The following TASP1 variants were observed in gnomAD, a reference collection of about 807,000 sequenced individuals.
The protein encoded by TASP1 is threonine aspartase 1.
In TASP1, 16 loss-of-function variants were observed where a neutral mutation model predicts 56.6. The ratio of observed to expected loss-of-function variants is 0.28; its 90% CI spans 0.19 to 0.43. The LOEUF (loss-of-function observed/expected upper bound fraction) is 0.43, where lower values mean the gene tolerates loss of function less well. TASP1 is among the 20% of genes least tolerant of loss of function. The pLI, the probability that TASP1 is intolerant of heterozygous loss-of-function variation, is 1.00. For synonymous variants in TASP1, 179 were observed against 184.2 expected (o/e 0.97, Z 0.23); for missense variants, 393 against 511.6 (o/e 0.77, Z 2.24).
the TASP1 span, chr20:13,280,028 A>T: frequency 2.3e-6 from 2 of 863,932 alleles, no homozygotes; most frequent in South Asian, 3.6e-5. Flanking sequence ...AACCTCACAA[A>T]GGCTGTCTTC....
At chr20:13,595,903 C>T (rs569285525) in intron 4 of TASP1, among the ~76,000 whole-genome samples, 1 of 152,242 alleles carries the variant, frequency 6.6e-6, no homozygotes, top group Admixed American at 6.5e-5. Context: ...AAGTCTCCAC[C>T]CCAAATCAAC....
chr20:13,406,936 G>T (rs2041948008), intron 13 of TASP1, among the ~76,000 whole-genome samples: 1 of 152,126 alleles, frequency 6.6e-6, no homozygotes, highest in South Asian at 2.1e-4. Context: ...AAAGTGCTGG[G>T]ATTACAGGCA....
intron 4 of TASP1, chr20:13,616,981 T>C: frequency 4.5e-6 from 2 of 442,898 alleles, no homozygotes; most frequent in Non-Finnish European, 9.0e-6. Context: ...TTGCCTCCCA[T>C]CTGCGTACAG....
chr20:13,392,942 C>T (rs2041347406), intron 13 of TASP1: 7 of 617,774 alleles, frequency 1.1e-5, no homozygotes, highest in Non-Finnish European at 2.1e-5. Context: ...TGGGGCCATG[C>T]TGGTGCTGAG....
chr20:13,470,267 AG>A (rs1317869563), intron 11 of TASP1, among the ~76,000 whole-genome samples: 1 of 152,112 alleles, frequency 6.6e-6, no homozygotes, highest in Admixed American at 6.5e-5. Context: ...AAAGGGGTAG[AG>A]GGGGGCACTC....
the TASP1 span, among the ~76,000 whole-genome samples, chr20:13,363,352 G>A: frequency 8.5e-5 from 13 of 152,050 alleles, no homozygotes; most frequent in Non-Finnish European, 1.5e-4. Context: ...GCTTCCAGTG[G>A]GGTCAATTTA....
At chr20:13,220,939 C>G in the TASP1 span, among the ~76,000 whole-genome samples, 2 of 152,208 alleles carry the variant, frequency 1.3e-5, no homozygotes, top group African/African-American at 4.8e-5. Context: ...TACCCGCGCC[C>G]GTCACAGCGA....
the TASP1 span, among the ~76,000 whole-genome samples, chr20:13,126,153 C>A: frequency 2.6e-5 from 4 of 152,160 alleles, no homozygotes; most frequent in African/African-American, 9.7e-5. Flanking sequence ...TGTTGCATGT[C>A]CTAGTTTGCA....
At chr20:13,203,001 T>G in the TASP1 span, among the ~76,000 whole-genome samples, 3 of 152,224 alleles carry the variant, frequency 2.0e-5, no homozygotes, top group Non-Finnish European at 4.4e-5. Flanking sequence ...TTTAACACAA[T>G]GAATGTTTGT....
the TASP1 span, among the ~76,000 whole-genome samples, chr20:13,277,619 CCTTTT>C: frequency 6.7e-6 from 1 of 149,820 alleles, no homozygotes; most frequent in African/African-American, 2.5e-5. Flanking sequence ...ATGATGTATT[CCTTTT>C]CTTTTCTTCC....
the TASP1 span, among the ~76,000 whole-genome samples, chr20:13,272,427 A>G: frequency 6.6e-6 from 1 of 152,220 alleles, no homozygotes; most frequent in Non-Finnish European, 1.5e-5. Flanking sequence ...GTTCCCTCCA[A>G]TAAATTAGAT....
chr20:13,356,433 T>C, the TASP1 span, among the ~76,000 whole-genome samples: 7 of 152,228 alleles, frequency 4.6e-5, no homozygotes, highest in Non-Finnish European at 7.3e-5. Flanking sequence ...CAGCCCAGCC[T>C]CATAACTTAC....
the TASP1 span, among the ~76,000 whole-genome samples, chr20:13,282,669 C>T: frequency 6.6e-6 from 1 of 152,186 alleles, no homozygotes; most frequent in African/African-American, 2.4e-5. Flanking sequence ...TAGTATCTTC[C>T]CCATCATTAG....
At chr20:13,330,430 A>C in the TASP1 span, among the ~76,000 whole-genome samples, 1 of 151,752 alleles carries the variant, frequency 6.6e-6, no homozygotes, top group Non-Finnish European at 1.5e-5. Context: ...TAATATTATG[A>C]TGTGGACTTT....
At chr20:13,153,693 C>T in the TASP1 span, among the ~76,000 whole-genome samples, 1 of 152,150 alleles carries the variant, frequency 6.6e-6, no homozygotes, top group South Asian at 2.1e-4. Flanking sequence ...TTTTAAGGTA[C>T]TTTGCACAGA....
chr20:13,115,482 G>A, the TASP1 span, among the ~76,000 whole-genome samples: 1 of 151,982 alleles, frequency 6.6e-6, no homozygotes, highest in African/African-American at 2.4e-5. Context: ...ATTAACTTTG[G>A]CTTCTGTCAA....
the TASP1 span, among the ~76,000 whole-genome samples, chr20:13,332,292 T>C: frequency 3.9e-5 from 6 of 152,026 alleles, no homozygotes; most frequent in African/African-American, 1.2e-4. Flanking sequence ...AAGCAGGGGG[T>C]AAATGCCATG....
intron 4 of TASP1, among the ~76,000 whole-genome samples, chr20:13,598,360 G>A (rs2047825292): frequency 6.6e-6 from 1 of 152,124 alleles, no homozygotes; most frequent in East Asian, 1.9e-4. Context: ...ACAGAACAGA[G>A]GCCTCAGAAA....
chr20:13,426,013 T>C (rs2042606355), intron 12 of TASP1, among the ~76,000 whole-genome samples: 1 of 152,198 alleles, frequency 6.6e-6, no homozygotes, highest in Non-Finnish European at 1.5e-5. Context: ...AAGAAAATAA[T>C]CATTCCCTCT....
Sources: gnomAD v4.1 joint callset for allele counts (sites outside exome capture counted in the v4.1 genomes callset) on GRCh38, gnomAD v4.1.1 for gene constraint, MANE v1.5 for transcripts, NCBI Gene and HGNC (gene_info 2026-07-23, HGNC 2026-07-21) for gene names.